The following PML variants were observed in gnomAD, a reference collection of about 807,000 sequenced individuals.
The protein encoded by PML is PML nuclear body scaffold, also known as protein PML.
PML carries 28 observed loss-of-function variants against 65.2 expected under a neutral mutation model. The observed-to-expected ratio is 0.43, with a 90% CI of 0.32 to 0.59. The LOEUF (loss-of-function observed/expected upper bound fraction) is 0.59. Ranked by LOEUF, PML falls within the 20% of genes least tolerant of loss-of-function variation. PML has a pLI of 0.08. For missense variants in PML, 1,021 were observed against 1,203.4 expected (o/e 0.85, Z 2.24); for synonymous variants, 500 against 508.8 (o/e 0.98, Z 0.23).
Position 74,042,245 on chromosome 15 carries a change from C to A in PML, c.1711-744C>A. On this transcript the variant is annotated intron_variant, in intron 7 of 8. Transcript: ENST00000268058. The surrounding 1 kb of genome is among the most constrained non-coding windows in gnomAD (Gnocchi z 5.3). Reference sequence around the variant, plus strand: ...CCTCACCTGAAGGACTCCCAAAACTCAGGTTTCTCTAAGCTGCTGGGGCAG... The same window carrying A: ...CCTCACCTGAAGGACTCCCAAAACTAAGGTTTCTCTAAGCTGCTGGGGCAG... The A allele has an allele frequency of 2.2e-6, 1 of 446,854 alleles. No homozygotes were observed. The highest frequency in any genetic ancestry group is 3.0e-6 in the Non-Finnish European group (1 of 337,568). 27.7% of individuals were successfully genotyped at this position (446,854 alleles called of 1,614,324 possible).
In PML at chr15:74,044,634, G is replaced by C. The variant is rs768601255; in HGVS notation, c.2275G>C (p.Val759Leu). The C allele has an allele frequency of 6.2e-7, 1 of 1,605,916 alleles. No individual in the cohort carries two copies. The highest frequency in any genetic ancestry group is 1.1e-5 in the South Asian group (1 of 91,078). The change falls in exon 9 of 9, where the codon GTC (valine) becomes CTC (leucine). Residue 759 changes from valine to leucine, a missense_variant. Transcript: ENST00000268058. ...GCGTGACCTGTGCCGCCTCCTCGAG[G>C]TCTCCCCGGGCCCCCAGCTGGCCCA... ...AMRDLCRLLE[V>L]SPGPQLAQHV...
intron 4 of PML, among the ~76,000 whole-genome samples, chr15:74,029,311 C>T (rs2071216127): frequency 6.6e-6 from 1 of 152,094 alleles, no homozygotes; most frequent in African/African-American, 2.4e-5. Context: ...TATGCACACA[C>T]ATACTGTAGC....
Position 74,035,629 on chromosome 15 carries a change from A to C in PML, c.1710+1099A>C, listed in dbSNP as rs1326765956. On this transcript the variant is annotated intron_variant, in intron 7 of 8. Coordinates refer to ENST00000268058, the MANE Select transcript of PML (RefSeq NM_033238.3). This position sits in a 1 kb window ranked among gnomAD's most constrained non-coding sequence, Gnocchi z 4.1. ...CTGCAAAGGGGCATCAGCCCACCCC[A>C]CCGGATACGAGGGGCTGTGCGATCC... The C allele has an allele frequency of 6.2e-7, 1 of 1,613,522 alleles. No homozygotes were observed. Among genetic ancestry groups the C allele is most frequent in the South Asian group, 1.1e-5 (1 of 91,064 alleles).
At chr15:74,027,879 G>C (rs2071151525) in intron 4 of PML, 1 of 152,296 alleles carries the variant, frequency 6.6e-6, no homozygotes, top group Non-Finnish European at 1.5e-5. Flanking sequence ...GGACAGGTGA[G>C]GCAGGCACAG....
intron 2 of PML, among the ~76,000 whole-genome samples, chr15:74,021,826 T>C (rs937529362): frequency 2.0e-5 from 3 of 152,162 alleles, no homozygotes; most frequent in South Asian, 2.1e-4. Context: ...ATTGAATCAA[T>C]TGTGGCCCAT....
At chr15:74,031,917 C>G (rs566028403) in intron 4 of PML, among the ~76,000 whole-genome samples, 6 of 152,284 alleles carry the variant, frequency 3.9e-5, no homozygotes. Flanking sequence ...ATTATTCCCA[C>G]TTTATAGAGG....
chr15:74,001,652 C>A (rs946825558), intron 2 of PML, among the ~76,000 whole-genome samples: 4 of 152,184 alleles, frequency 2.6e-5, no homozygotes, highest in Non-Finnish European at 2.9e-5. Flanking sequence ...AATAATAACT[C>A]TTTTAAGGCA....
At chr15:74,020,579 T>G (rs1190549672) in intron 2 of PML, among the ~76,000 whole-genome samples, 1 of 152,210 alleles carries the variant, frequency 6.6e-6, no homozygotes, top group African/African-American at 2.4e-5. Context: ...CTGGACTGCC[T>G]GGGTTTTTAT....
In PML at chr15:74,047,647, G is replaced by A. The variant is rs1376457111; in HGVS notation, c.*2639G>A. ...CTCAGGCTGCACCTCTGGCAAATGG[G>A]AGAATGCGGCTCCTTTTGACTTCAA... On this transcript the variant is annotated 3_prime_UTR_variant, in exon 9 of 9. Coordinates refer to ENST00000268058, the MANE Select transcript of PML (RefSeq NM_033238.3). 5 of 206,782 alleles carry A rather than the reference G, an allele frequency of 2.4e-5. No individual in the cohort carries two copies. Among genetic ancestry groups the A allele is most frequent in the Admixed American group, 1.2e-4 (2 of 16,818 alleles). The allele number at this position is 206,782 out of a possible 1,614,324, so 12.8% of individuals were successfully genotyped here. A position where few individuals can be genotyped will look rare whatever the true frequency, so the allele number is the denominator to read the frequency against.
At chr15:74,010,874 T>A (rs1475790924) in intron 2 of PML, among the ~76,000 whole-genome samples, 1 of 152,244 alleles carries the variant, frequency 6.6e-6, no homozygotes, top group Non-Finnish European at 1.5e-5. Flanking sequence ...GAAACCCTGA[T>A]ATTTTAGCAT....
chr15:74,033,985 G>T (rs2071432173), intron 6 of PML: 5 of 327,792 alleles, frequency 1.5e-5, no homozygotes, highest in Non-Finnish European at 2.8e-5. Context: ...GTACAGCTTT[G>T]TTCCTCATTC....
intron 4 of PML, chr15:74,026,484 T>TA: frequency 6.6e-6 from 1 of 152,164 alleles, no homozygotes; most frequent in East Asian, 1.9e-4. Context: ...AGCTGACTCT[T>TA]AACTGCCTTG....
At chr15:74,040,000 C>T (rs1460658530) in intron 7 of PML, among the ~76,000 whole-genome samples, 1 of 152,006 alleles carries the variant, frequency 6.6e-6, no homozygotes. Flanking sequence ...CTGCTCAGGC[C>T]GTGAAATCTA....
At chr15:74,030,088 C>G (rs1473580923) in intron 4 of PML, among the ~76,000 whole-genome samples, 2 of 152,152 alleles carry the variant, frequency 1.3e-5, no homozygotes, top group Non-Finnish European at 2.9e-5. Flanking sequence ...CCATCCCTGC[C>G]TTAACTCACA....
intron 2 of PML, among the ~76,000 whole-genome samples, chr15:74,010,939 CTG>C (rs1283593322): frequency 1.3e-5 from 2 of 152,190 alleles, no homozygotes; most frequent in Non-Finnish European, 2.9e-5. Context: ...CTAAAACAAA[CTG>C]TATAAATTAG....
At chr15:74,004,769 T>G (rs1288800980) in intron 2 of PML, among the ~76,000 whole-genome samples, 1 of 151,874 alleles carries the variant, frequency 6.6e-6, no homozygotes, top group Non-Finnish European at 1.5e-5. Context: ...TATAGTGGCA[T>G]GATCTTGGCT....
chr15:74,027,100 A>C (rs2071112160), intron 4 of PML: 1 of 152,364 alleles, frequency 6.6e-6, no homozygotes, highest in Non-Finnish European at 1.5e-5. Context: ...TTATCCTATC[A>C]ATAGGTAGAG....
chr15:74,045,339 C>G lies in PML; in HGVS notation c.*331C>G, dbSNP rs1194154947. The G allele has an allele frequency of 2.7e-6, 1 of 372,004 alleles. No homozygotes were observed. Among genetic ancestry groups the G allele is most frequent in the East Asian group, 4.4e-5 (1 of 22,476 alleles). The allele number at this position is 372,004 out of a possible 1,614,324, so 23.0% of individuals were successfully genotyped here. A position where few individuals can be genotyped will look rare whatever the true frequency, so the allele number is the denominator to read the frequency against. Reference sequence around the variant, plus strand: ...CCTGGTCTTGCCCCATCCATCCCACCTGCCACTACCTTGGGTGTCCTTACA... The same window carrying G: ...CCTGGTCTTGCCCCATCCATCCCACGTGCCACTACCTTGGGTGTCCTTACA... On this transcript the variant is annotated 3_prime_UTR_variant, in exon 9 of 9. Transcript: ENST00000268058.
In PML at chr15:74,042,821, C is replaced by T. The variant is rs1048603205; in HGVS notation, c.1711-168C>T. 2.0e-6 allele frequency: 2 copies of T among 985,228 alleles called. No homozygotes were observed. Among genetic ancestry groups the T allele is most frequent in the Middle Eastern group, 5.2e-4 (1 of 1,936 alleles). 61.0% of individuals were successfully genotyped at this position (985,228 alleles called of 1,614,324 possible). A position where few individuals can be genotyped will look rare whatever the true frequency, so the allele number is the denominator to read the frequency against. On this transcript the variant is annotated intron_variant, in intron 7 of 8. Transcript: ENST00000268058. This position sits in a 1 kb window ranked among gnomAD's most constrained non-coding sequence, Gnocchi z 5.3. The stretch of plus-strand genomic sequence containing the variant: ...TCACATGTGACACACCCAGTTCACA[C>T]CCATTCATGCACACATACCTTCTCT...
Sources: allele counts gnomAD v4.1 joint callset (sites outside exome capture counted in the v4.1 genomes callset), GRCh38; gene constraint gnomAD v4.1.1; non-coding constraint Gnocchi (gnomAD v3.1); transcripts MANE v1.5; gene names NCBI Gene and HGNC (gene_info 2026-07-23, HGNC 2026-07-21).